The following PCDH20 variants were observed in gnomAD, a reference collection of about 807,000 sequenced individuals.
PCDH20 encodes the protein protocadherin-20.
A neutral mutation model predicts 39.7 loss-of-function variants in PCDH20; 18 were observed. The observed-to-expected ratio is 0.45, with a 90% CI of 0.31 to 0.67. The LOEUF (loss-of-function observed/expected upper bound fraction) is 0.67. PCDH20 is among the 30% of genes least tolerant of loss of function. The probability of loss-of-function intolerance (pLI) is 0.05; values close to 1 mark genes in which losing one functional copy is unlikely to be tolerated. For missense variants in PCDH20, 1,161 were observed against 1,167.4 expected (o/e 0.99, Z 0.08); for synonymous variants, 495 against 455.4 (o/e 1.09, Z -1.11).
exon 2 of PCDH20, chr13:61,412,235 C>T: frequency 6.2e-7 from 1 of 1,614,168 alleles, no homozygotes; most frequent in East Asian, 2.2e-5. Context: ...ACAGTGGCTA[C>T]TGATTCTCTG....
At chr13:61,415,092 G>A in exon 1 of PCDH20, 2 of 1,567,574 alleles carry the variant, frequency 1.3e-6, no homozygotes, top group Admixed American at 3.6e-5. Context: ...AGGCGCGGGT[G>A]CCAGGTCGCC....
At chr13:61,411,330 A>G (rs1300691055) in exon 2 of PCDH20, 4 of 1,613,982 alleles carry the variant, frequency 2.5e-6, no homozygotes, top group Non-Finnish European at 3.4e-6. Flanking sequence ...CCAAATTTTC[A>G]TCTTCCCTGG....
At position 61,412,499 on chromosome 13, in the gene PCDH20, T is replaced by C. The variant is rs35945287; in HGVS notation, c.1600A>G (p.Ile534Val). 1.1e-3 allele frequency: 1,802 copies of C among 1,614,184 alleles called. 26 individuals carry two copies. In the African/African-American group the frequency reaches 0.022, roughly 20 times the overall value. Reference sequence around the variant, plus strand: ...AGTTCTATTAAGGGTTGAAGGAAAATTGGAGCATTATCATTGTCATCTAAA... The same window carrying C: ...AGTTCTATTAAGGGTTGAAGGAAAACTGGAGCATTATCATTGTCATCTAAA... The change falls in exon 2 of 2, where the codon ATT (isoleucine) becomes GTT (valine). Residue 534 changes from isoleucine (I) to valine (V), a missense_variant. Physicochemically the swap from Ile to Val is conservative, Grantham distance 29. Around this residue, in one of 3 missense-constraint regions of PCDH20, gnomAD observed 754 missense variants for 777.5 expected, o/e 0.97. Coordinates refer to ENST00000409204, the Ensembl canonical transcript of PCDH20.
chr13:61,413,003 C>T (rs369119550), exon 2 of PCDH20: 13 of 1,614,032 alleles, frequency 8.1e-6, no homozygotes, highest in African/African-American at 5.3e-5. Context: ...TCCTTAGATG[C>T]TTGTGGAACT....
chr13:61,412,668 T>A, exon 2 of PCDH20: 1 of 1,614,142 alleles, frequency 6.2e-7, no homozygotes, highest in Non-Finnish European at 8.5e-7. Flanking sequence ...TGTAAGGTGA[T>A]AACCTAAACG....
At chr13:61,410,927 C>G (rs1210013084) in exon 2 of PCDH20, 1 of 183,246 alleles carries the variant, frequency 5.5e-6, no homozygotes, top group Non-Finnish European at 1.1e-5. Context: ...AAAATTTGTT[C>G]CATTTTTCTT....
exon 2 of PCDH20, chr13:61,412,348 A>G (rs769941908): frequency 1.2e-6 from 2 of 1,614,102 alleles, no homozygotes; most frequent in African/African-American, 1.3e-5. Context: ...GACACTGTCT[A>G]AGGAAAAATA....
chr13:61,414,983 T>C (rs761727135), intron 1 of PCDH20, 44 bp downstream of exon 1: 3 of 1,373,070 alleles, frequency 2.2e-6, no homozygotes, highest in Non-Finnish European at 2.9e-6. Flanking sequence ...TTCACAATAC[T>C]GCAACTTGTC....
Position 61,413,028 on chromosome 13 carries a change from AT to A in PCDH20, c.1070del (p.Tyr357PhefsTer53), listed in dbSNP as rs1871434625. ...CTTGTGGAACTTTCTGACTGTAAGA[AT>A]AAGTAATTTGAGCATTGGTCCCCAA... is the stretch of plus-strand genomic sequence containing the variant. On this transcript the variant is annotated frameshift_variant, in exon 2 of 2. Transcript: ENST00000409204. LOFTEE classifies it high-confidence loss of function. 6.2e-7 allele frequency: 1 copy of A among 1,614,072 alleles called. No homozygotes were observed. The highest frequency in any genetic ancestry group is 1.3e-5 in the African/African-American group (1 of 74,924).
In PCDH20 at chr13:61,411,178, T is replaced by C. The variant is rs905454335; in HGVS notation, c.*65A>G. ...CATTGGAACTGCCATCAACACACTC[T>C]TTTTTAGGTGATGAAGATCCAAAGT... On this transcript the variant is annotated 3_prime_UTR_variant, in exon 2 of 2. Coordinates refer to ENST00000409204, the Ensembl canonical transcript of PCDH20. 2.1e-5 allele frequency: 29 copies of C among 1,392,934 alleles called. No homozygotes were observed. In the African/African-American group the frequency reaches 3.7e-4, roughly 18 times the overall value. The allele number at this position is 1,392,934 out of a possible 1,614,324, so 86.3% of individuals were successfully genotyped here.
chr13:61,411,363 A>G (rs1340593764), exon 2 of PCDH20: 5 of 1,613,868 alleles, frequency 3.1e-6, no homozygotes, highest in African/African-American at 1.3e-5. Context: ...CTTTCCTTAA[A>G]CAGATGTATA....
At chr13:61,411,489 T>A in exon 2 of PCDH20, 1 of 1,614,124 alleles carries the variant, frequency 6.2e-7, no homozygotes, top group Non-Finnish European at 8.5e-7. Context: ...TTGAGATTTG[T>A]GGTTCTTTCT....
At chr13:61,414,577 G>A (rs899427298) in intron 1 of PCDH20, among the ~76,000 whole-genome samples, 3 of 152,024 alleles carry the variant, frequency 2.0e-5, no homozygotes, top group African/African-American at 7.2e-5. Flanking sequence ...TTTTATTTTA[G>A]CACACATCTG....
chr13:61,412,760 C>T lies in PCDH20; in HGVS notation c.1339G>A (p.Val447Ile), dbSNP rs779729343. ...GTGAAAAACGCAATGGGAGTGTTAA[C>T]GGGTTCCAGTTCTTTCAGATAAACC... Residue 447 changes from valine to isoleucine, a missense_variant, in exon 2 of 2, where the codon GTT becomes ATT. Physicochemically the swap from Val to Ile is conservative, Grantham distance 29 (BLOSUM62 3). Transcript: ENST00000409204. The T allele has an allele frequency of 8.1e-6, 13 of 1,613,960 alleles. No individual in the cohort carries two copies. In the East Asian group the frequency reaches 8.9e-5, roughly 11 times the overall value.
chr13:61,413,087 G>C (rs540972963), exon 2 of PCDH20: 1 of 1,614,122 alleles, frequency 6.2e-7, no homozygotes, highest in Non-Finnish European at 8.5e-7. Context: ...GCTGCAATTG[G>C]GGTGCCCACT....
chr13:61,412,412 C>T (rs1271532133), exon 2 of PCDH20: 4 of 1,614,058 alleles, frequency 2.5e-6, no homozygotes, highest in East Asian at 2.2e-5. Context: ...TCCTCGCTGT[C>T]GGCATCTGTA....
At position 61,414,108 on chromosome 13, in the gene PCDH20, G is replaced by T. The variant is rs373706656; in HGVS notation, c.133-142C>A. ...CTCTAATTAGAACGGGGGCGGAGAA[G>T]AACCCTGCTGCGAAGGAGAGATCTG... On this transcript the variant is annotated intron_variant, in intron 1 of 1. Coordinates refer to ENST00000409204, the Ensembl canonical transcript of PCDH20. The T allele has an allele frequency of 1.1e-5, 8 of 746,216 alleles. No homozygotes were observed. In the East Asian group the frequency reaches 1.1e-4, roughly 10 times the overall value. The allele number at this position is 746,216 out of a possible 1,614,324, so 46.2% of individuals were successfully genotyped here.
rs751799996 is a variant in PCDH20, at chr13:61,411,525, T to C, written c.2574A>G (p.Arg858=). 2.5e-6 allele frequency: 4 copies of C among 1,614,190 alleles called. No homozygotes were observed. In the South Asian group the frequency reaches 4.4e-5, roughly 18 times the overall value. The change falls in exon 2 of 2, where the codon AGA becomes AGG. Residue 858 remains arginine, a synonymous_variant. Coordinates refer to ENST00000409204, the Ensembl canonical transcript of PCDH20. The stretch of plus-strand genomic sequence containing the variant: ...CCTCTATATTAATCTCTGGTTCTTT[T>C]CTTAAAAGACTCTCAATGTAACTCT...
exon 2 of PCDH20, chr13:61,412,119 T>C: frequency 6.8e-6 from 11 of 1,614,112 alleles, no homozygotes; most frequent in Non-Finnish European, 9.3e-6. Flanking sequence ...TTACACTAAT[T>C]ACTCCAATCT....
Sources: allele counts gnomAD v4.1 joint callset (sites outside exome capture counted in the v4.1 genomes callset), GRCh38; gene constraint gnomAD v4.1.1; regional missense constraint gnomAD v4.1.1; transcripts MANE v1.5; gene names NCBI Gene and HGNC (gene_info 2026-07-23, HGNC 2026-07-21).